GPC5: variants seen among roughly 807,000 people sequenced by gnomAD.
GPC5 encodes the protein glypican-5.
Under a neutral mutation model 53.9 loss-of-function variants are expected in GPC5, and 47 were observed. That is an observed-to-expected ratio of 0.87 (90% confidence interval 0.69 to 1.11). The LOEUF (loss-of-function observed/expected upper bound fraction) is 1.11. Among genes scored for constraint, GPC5 ranks in the 50% most tolerant of loss-of-function variants. The pLI is 0.00. For missense variants in GPC5, 748 were observed against 713.1 expected (o/e 1.05, Z -0.56); for synonymous variants, 286 against 263.3 (o/e 1.09, Z -0.84).
rs558553026 is a variant in GPC5, at chr13:92,140,327, C to T, written c.1402-4503C>T. ...AATTTACAAGCAAAACAAAATAATA[C>T]ATAATATGGAACCTTGACTTCTGGG... On this transcript the variant is annotated intron_variant, in intron 6 of 7. Transcript: ENST00000377067. 4.3e-4 allele frequency among the ~76,000 whole-genome samples: 66 copies of T among 152,262 alleles called. No homozygotes were observed. The South Asian group carries it at 0.014, about 32-fold the overall frequency.
At chr13:92,742,256 G>T (rs1366182260) in intron 7 of GPC5, among the ~76,000 whole-genome samples, 2 of 151,276 alleles carry the variant, frequency 1.3e-5, no homozygotes, top group East Asian at 3.9e-4. Context: ...GTTGTTTCCT[G>T]ACTTTTTAAT....
At chr13:91,648,618 A>G (rs1384395868) in intron 2 of GPC5, among the ~76,000 whole-genome samples, 1 of 152,210 alleles carries the variant, frequency 6.6e-6, no homozygotes, top group Admixed American at 6.5e-5. Flanking sequence ...TAAATTTTCT[A>G]TAACTCTGGC....
intron 7 of GPC5, among the ~76,000 whole-genome samples, chr13:92,807,370 A>T (rs1344032659): frequency 1.3e-5 from 2 of 152,072 alleles, no homozygotes; most frequent in Non-Finnish European, 2.9e-5. Flanking sequence ...TGTTCATAAT[A>T]TTAGTTTATG....
At chr13:91,850,473 G>A (rs1217004429) in intron 5 of GPC5, among the ~76,000 whole-genome samples, 2 of 152,118 alleles carry the variant, frequency 1.3e-5, no homozygotes, top group Admixed American at 6.6e-5. Context: ...ATTTAATGTT[G>A]CCCTCTGCAA....
intron 2 of GPC5, among the ~76,000 whole-genome samples, chr13:91,684,144 T>C (rs1352866957): frequency 6.6e-6 from 1 of 152,188 alleles, no homozygotes; most frequent in East Asian, 1.9e-4. Flanking sequence ...TTTACTTCAC[T>C]GGCTTCTTAT....
intron 2 of GPC5, among the ~76,000 whole-genome samples, chr13:91,470,232 A>G (rs1232841497): frequency 6.6e-6 from 1 of 152,078 alleles, no homozygotes; most frequent in Admixed American, 6.6e-5. Flanking sequence ...TGTATTTCTT[A>G]TCCTATAAGT....
chr13:92,441,858 C>T (rs7320711), intron 7 of GPC5, among the ~76,000 whole-genome samples: 13 of 151,954 alleles, frequency 8.6e-5, no homozygotes, highest in Admixed American at 3.3e-4. Flanking sequence ...ATGGAACCAA[C>T]GAAGAATCCA....
chr13:92,844,063 A>T (rs1166074993), intron 7 of GPC5, among the ~76,000 whole-genome samples: 1 of 151,796 alleles, frequency 6.6e-6, no homozygotes, highest in Non-Finnish European at 1.5e-5. Flanking sequence ...GAATTAGGAA[A>T]CAGAGGGTGC....
intron 7 of GPC5, among the ~76,000 whole-genome samples, chr13:92,676,460 A>G (rs1423395370): frequency 6.6e-6 from 1 of 152,206 alleles, no homozygotes; most frequent in African/African-American, 2.4e-5. Flanking sequence ...ATTAACTAGA[A>G]AAGTCAAAGA....
chr13:91,425,065 A>C (rs1372396881), intron 1 of GPC5, among the ~76,000 whole-genome samples: 3 of 152,182 alleles, frequency 2.0e-5, no homozygotes, highest in Non-Finnish European at 2.9e-5. Context: ...TAATTGTTAA[A>C]TGAACTGTTT....
intron 2 of GPC5, among the ~76,000 whole-genome samples, chr13:91,667,113 G>C (rs1431907012): frequency 6.6e-6 from 1 of 152,090 alleles, no homozygotes. Flanking sequence ...AACTTACAGT[G>C]GTGGAATTTT....
At chr13:92,851,954 C>CAGG (rs1031380786) in intron 7 of GPC5, among the ~76,000 whole-genome samples, 23 of 150,960 alleles carry the variant, frequency 1.5e-4, no homozygotes, top group African/African-American at 5.6e-4. Flanking sequence ...GAGCCCTGAC[C>CAGG]AGGAGGAAAG....
intron 6 of GPC5, among the ~76,000 whole-genome samples, chr13:92,005,894 T>G (rs960050804): frequency 3.3e-5 from 5 of 152,334 alleles, no homozygotes; most frequent in African/African-American, 9.6e-5. Context: ...TAGTTACTCA[T>G]AGATAGTGGG....
chr13:92,116,933 A>AAAC (rs1319018699), intron 6 of GPC5, among the ~76,000 whole-genome samples: 54 of 152,192 alleles, frequency 3.5e-4, no homozygotes, highest in Admixed American at 3.4e-3. Flanking sequence ...ACATATTCGG[A>AAAC]ATACAGTTTC....
chr13:92,158,506 CT>C (rs796742713), intron 7 of GPC5, among the ~76,000 whole-genome samples: 3,019 of 146,568 alleles, frequency 0.021, 102 homozygotes, highest in African/African-American at 0.068. Flanking sequence ...TCAGTTGTTC[CT>C]TTTTTTTTTT....
At chr13:91,469,133 T>C (rs571179964) in intron 2 of GPC5, among the ~76,000 whole-genome samples, 1 of 152,010 alleles carries the variant, frequency 6.6e-6, no homozygotes, top group South Asian at 2.1e-4. Context: ...TTTTGAGACA[T>C]AGTCTTGCTG....
At chr13:92,066,773 G>C (rs1479496052) in intron 6 of GPC5, among the ~76,000 whole-genome samples, 2 of 152,064 alleles carry the variant, frequency 1.3e-5, no homozygotes, top group Non-Finnish European at 2.9e-5. Context: ...TTGCTTGAAT[G>C]CAAGAGGGCT....
chr13:91,553,729 C>T (rs1271224040), intron 2 of GPC5, among the ~76,000 whole-genome samples: 2 of 151,976 alleles, frequency 1.3e-5, no homozygotes, highest in Admixed American at 6.6e-5. Context: ...TTTCTAATGT[C>T]ACTGTTTAGC....
intron 2 of GPC5, among the ~76,000 whole-genome samples, chr13:91,579,624 C>CTTTTTTTTTTTTTTTTT (rs3055895): frequency 5.8e-5 from 6 of 102,600 alleles, no homozygotes; most frequent in South Asian, 3.5e-4. Context: ...TTTTCTTTTT[C>CTTTTTTTTTTTTTTTTT]TTTTTTTTTT....
Sources: gnomAD v4.1 joint callset for allele counts (sites outside exome capture counted in the v4.1 genomes callset) on GRCh38, gnomAD v4.1.1 for gene constraint, MANE v1.5 for transcripts, NCBI Gene and HGNC (gene_info 2026-07-23, HGNC 2026-07-21) for gene names.